Variants in BAIAP2L2 observed in about 807,000 individuals in gnomAD.
The protein encoded by BAIAP2L2 is BAR/IMD domain containing adaptor protein 2 like 2.
A neutral mutation model predicts 60.4 loss-of-function variants in BAIAP2L2; 65 were observed. The ratio of observed to expected loss-of-function variants is 1.08; its 90% CI spans 0.88 to 1.32. The LOEUF is 1.32. BAIAP2L2 is among the 40% of genes most tolerant of loss of function. The pLI is 0.00. For synonymous variants in BAIAP2L2, 344 were observed against 301.7 expected (o/e 1.14, Z -1.45); for missense variants, 836 against 741.2 (o/e 1.13, Z -1.48).
Position 38,087,247 on chromosome 22 carries a change from T to C in BAIAP2L2, c.1136A>G (p.Glu379Gly), listed in dbSNP as rs2086121450. ...EGSSASGWFP[E>G]AYVKALEEGP... ...CTCCTCCAGAGCCTTCACGTACGCC[T>C]CGGGGAACCAACCGCTCCTGTGGGG... The change falls in exon 11 of 14, where the codon GAG (glutamate) becomes GGG (glycine). Residue 379 changes from glutamate (E) to glycine (G), a missense_variant. Coordinates refer to ENST00000381669, the MANE Select transcript of BAIAP2L2 (RefSeq NM_025045.6). The C allele has an allele frequency of 6.2e-7, 1 of 1,606,032 alleles. No homozygotes were observed. Among genetic ancestry groups the C allele is most frequent in the East Asian group, 2.3e-5 (1 of 43,940 alleles).
chr22:38,089,653 G>A lies in BAIAP2L2; in HGVS notation c.634C>T (p.Arg212Cys). The A allele has an allele frequency of 2.4e-6, 3 of 1,230,932 alleles. No homozygotes were observed. The highest frequency in any genetic ancestry group is 3.0e-6 in the Non-Finnish European group (3 of 987,246). The allele number at this position is 1,230,932 out of a possible 1,614,324, so 76.3% of individuals were successfully genotyped here. ...GACTGCTCCTTCCACAGCAGCACGC[G>A]GTTCTGGAGCATCCCCCGGGCCTGG... is the stretch of plus-strand genomic sequence containing the variant. ...FGRARGMLQN[R>C]VLLWKEQSEA... The change falls in exon 8 of 14, where the codon CGC becomes TGC. Residue 212 changes from arginine to cysteine, a missense_variant. Coordinates refer to ENST00000381669, the MANE Select transcript of BAIAP2L2 (RefSeq NM_025045.6).
At chr22:38,085,659 T>C in intron 13 of BAIAP2L2, 27 bp downstream of exon 13, 2 of 1,610,648 alleles carry the variant, frequency 1.2e-6, no homozygotes, top group South Asian at 2.2e-5. Context: ...CCCTCCTCAC[T>C]GTTTGGGCCC....
Position 38,097,125 on chromosome 22 carries a change from C to T in BAIAP2L2, c.519G>A (p.Gln173=), listed in dbSNP as rs776993451. ...GCTTCTCTTCCAATTCAGCCGCCCG[C>T]TGACTCTCAGACACGAAGGCCTGCA... ...AQMQAFVSES[Q]RAAELEEKRR... is the part of the protein sequence containing the mutation. Residue 173 remains glutamine (Q), a synonymous_variant, in exon 7 of 14, where the codon CAG becomes CAA. Coordinates refer to ENST00000381669, the MANE Select transcript of BAIAP2L2 (RefSeq NM_025045.6). 1 of 1,614,026 alleles carries T rather than the reference C, an allele frequency of 6.2e-7. No homozygotes were observed. Among genetic ancestry groups the T allele is most frequent in the Non-Finnish European group, 8.5e-7 (1 of 1,180,030 alleles).
intron 4 of BAIAP2L2, among the ~76,000 whole-genome samples, chr22:38,103,051 T>TA (rs759453514): frequency 0.023 from 3,066 of 132,902 alleles, 85 homozygotes; most frequent in East Asian, 0.11. Context: ...ATCTCAAAAT[T>TA]AAAAAAAAAA....
Position 38,097,074 on chromosome 22 carries a change from C to T in BAIAP2L2, c.570G>A (p.Lys190=). ...GGAAGGTGTTGGAAAGTAGCAGGTG[C>T]TTCTCTGCTAGGAAGCGATAGCGCC... ...EKRRYRFLAE[K]HLLLSNTFLQ... Residue 190 remains lysine (K), a synonymous_variant, in exon 7 of 14, where the codon AAG becomes AAA. Transcript: ENST00000381669. 1.9e-6 allele frequency: 3 copies of T among 1,614,076 alleles called. No individual in the cohort carries two copies. The highest frequency in any genetic ancestry group is 2.5e-6 in the Non-Finnish European group (3 of 1,179,990).
intron 2 of BAIAP2L2, 72 bp downstream of exon 2, chr22:38,109,061 T>C: frequency 1.1e-6 from 1 of 880,444 alleles, no homozygotes; most frequent in Non-Finnish European, 1.5e-6. Flanking sequence ...GCAGAGAATC[T>C]GGGAGGGGCC....
intron 6 of BAIAP2L2, 70 bp from the exon 7 acceptor site, chr22:38,097,248 G>T: frequency 1.3e-6 from 2 of 1,563,224 alleles, no homozygotes; most frequent in Non-Finnish European, 1.7e-6. Context: ...GCCCACAGGC[G>T]CCAGCTGTTC....
intron 4 of BAIAP2L2, among the ~76,000 whole-genome samples, chr22:38,101,546 C>CA (rs71195082): frequency 0.73 from 22,668 of 30,950 alleles, 9,154 homozygotes; most frequent in South Asian, 0.79. Flanking sequence ...GATCCTGTCT[C>CA]AAAAAAAAAA....
chr22:38,089,366 C>T (rs2086217808), intron 8 of BAIAP2L2, 135 bp from the exon 9 acceptor site: 2 of 551,296 alleles, frequency 3.6e-6, no homozygotes, highest in Non-Finnish European at 5.4e-6. Context: ...ACCACGGGGG[C>T]GCGGAGAACG....
intron 6 of BAIAP2L2, among the ~76,000 whole-genome samples, 167 bp downstream of exon 6, chr22:38,097,896 C>T (rs1018300530): frequency 2.0e-5 from 3 of 152,062 alleles, no homozygotes; most frequent in Non-Finnish European, 2.9e-5. Context: ...GCTAGTTACG[C>T]CCACCCCACC....
At chr22:38,102,779 C>T (rs1169193435) in intron 4 of BAIAP2L2, among the ~76,000 whole-genome samples, 7 of 152,014 alleles carry the variant, frequency 4.6e-5, no homozygotes, top group Admixed American at 1.3e-4. Context: ...GTGGCTCACA[C>T]CTGTAATCCC....
At position 38,086,129 on chromosome 22, in the gene BAIAP2L2, G is replaced by A. The variant is rs531874212; in HGVS notation, c.1467+113C>T. 3.0e-3 allele frequency: 3,550 copies of A among 1,197,472 alleles called. 9 individuals carry two copies. Among genetic ancestry groups the A allele is most frequent in the Non-Finnish European group, 3.9e-3 (3,256 of 841,602 alleles). 74.2% of individuals were successfully genotyped at this position (1,197,472 alleles called of 1,614,324 possible). On this transcript the variant is annotated intron_variant, in intron 12 of 13. Coordinates refer to ENST00000381669, the MANE Select transcript of BAIAP2L2 (RefSeq NM_025045.6). ...CCCTGCACTGAGGAACAGACTGAGT[G>A]AGGCCAGGTAGGCGGGTCCCCTGCC...
Position 38,110,625 on chromosome 22 carries a change from T to A in BAIAP2L2, c.-100A>T. On this transcript the variant is annotated 5_prime_UTR_variant, in exon 1 of 14. Coordinates refer to ENST00000381669, the MANE Select transcript of BAIAP2L2 (RefSeq NM_025045.6). ...GTCCCTCAGGTGCCCACGACTCAGC[T>A]GGCAGCGAGGAAGCCTCGGAGAGGG... The A allele has an allele frequency of 1.0e-6, 1 of 996,870 alleles. No individual in the cohort carries two copies. Among genetic ancestry groups the A allele is most frequent in the Non-Finnish European group, 1.5e-6 (1 of 685,302 alleles). 61.8% of individuals were successfully genotyped at this position (996,870 alleles called of 1,614,324 possible).
intron 4 of BAIAP2L2, among the ~76,000 whole-genome samples, chr22:38,105,724 T>C (rs1160161506): frequency 6.6e-6 from 1 of 152,158 alleles, no homozygotes; most frequent in Non-Finnish European, 1.5e-5. Flanking sequence ...ACTTTTCTCC[T>C]AGTGTATTTT....
At chr22:38,088,282 A>G (rs558708499) in intron 10 of BAIAP2L2, among the ~76,000 whole-genome samples, 5 of 152,142 alleles carry the variant, frequency 3.3e-5, no homozygotes, top group Middle Eastern at 3.4e-3. Context: ...ATCCTCCTCC[A>G]CGTCAAGTGT....
intron 4 of BAIAP2L2, among the ~76,000 whole-genome samples, chr22:38,099,743 C>T (rs1286107964): frequency 3.3e-5 from 5 of 152,062 alleles, no homozygotes; most frequent in Non-Finnish European, 5.9e-5. Flanking sequence ...GGTGCTTCCC[C>T]AACCCCGCGG....
chr22:38,108,210 A>G lies in BAIAP2L2; in HGVS notation c.214+45T>C, dbSNP rs373463316. On this transcript the variant is annotated intron_variant, in intron 3 of 13. Transcript: ENST00000381669. The stretch of plus-strand genomic sequence containing the variant: ...ACATCCTGGAAGGGCAAGGGTGCAA[A>G]AGGAGGGCCCAAGAATGGGGTCTGC... 123 of 1,565,480 alleles carry G rather than the reference A, an allele frequency of 7.9e-5. 1 individual carries two copies. In the East Asian group the frequency reaches 1.4e-3, roughly 17 times the overall value.
In BAIAP2L2 at chr22:38,085,798, C is replaced by T. The variant is rs139550106; in HGVS notation, c.1468-66G>A. 102 of 1,421,330 alleles carry T rather than the reference C, an allele frequency of 7.2e-5. No homozygotes were observed. In the African/African-American group the frequency reaches 1.2e-3, roughly 17 times the overall value. 88.0% of individuals were successfully genotyped at this position (1,421,330 alleles called of 1,614,324 possible). A position where few individuals can be genotyped will look rare whatever the true frequency, so the allele number is the denominator to read the frequency against. ...GGGCAAGCAATCCCTTGCTCCTCCC[C>T]TCCCTCTCCCCATGCCCAAGGGCAG... On this transcript the variant is annotated intron_variant, in intron 12 of 13. Coordinates refer to ENST00000381669, the MANE Select transcript of BAIAP2L2 (RefSeq NM_025045.6).
intron 4 of BAIAP2L2, among the ~76,000 whole-genome samples, chr22:38,106,122 G>C (rs1233241240): frequency 1.3e-5 from 2 of 152,230 alleles, no homozygotes; most frequent in African/African-American, 4.8e-5. Flanking sequence ...CAAGGGGGTG[G>C]CAGGGGCTTA....
Sources: gnomAD v4.1 joint callset for allele counts (sites outside exome capture counted in the v4.1 genomes callset) on GRCh38, gnomAD v4.1.1 for gene constraint, MANE v1.5 for transcripts, NCBI Gene and HGNC (gene_info 2026-07-23, HGNC 2026-07-21) for gene names.